ASTN2: variants seen among roughly 807,000 people sequenced by gnomAD.
ASTN2 encodes astrotactin 2, also known as astrotactin-2.
A neutral mutation model predicts 139.8 loss-of-function variants in ASTN2; 54 were observed. The ratio of observed to expected loss-of-function variants is 0.39; its 90% CI spans 0.31 to 0.48. The LOEUF is 0.48. Ranked by LOEUF, ASTN2 falls within the 20% of genes least tolerant of loss-of-function variation. The pLI, the probability that ASTN2 is intolerant of heterozygous loss-of-function variation, is 0.95. For synonymous variants in ASTN2, 756 were observed against 719.5 expected (o/e 1.05, Z -0.81); for missense variants, 1,565 against 1,725.1 (o/e 0.91, Z 1.64).
chr9:117,002,947 C>A (rs755515875), intron 7 of ASTN2, among the ~76,000 whole-genome samples: 1 of 152,066 alleles, frequency 6.6e-6, no homozygotes, highest in Non-Finnish European at 1.5e-5. Flanking sequence ...AGGAATGCCA[C>A]CTGTAGGAGG....
chr9:116,907,655 TGCTCAGGGATCTATTTG>T (rs1834198071), intron 10 of ASTN2, among the ~76,000 whole-genome samples: 1 of 152,172 alleles, frequency 6.6e-6, no homozygotes, highest in Non-Finnish European at 1.5e-5. Context: ...ACCTGTACCG[TGCTCAGGGATCTATTTG>T]GCAGAAAGGG....
intron 13 of ASTN2, among the ~76,000 whole-genome samples, chr9:116,804,573 T>C (rs1451008679): frequency 6.6e-6 from 1 of 152,200 alleles, no homozygotes; most frequent in Non-Finnish European, 1.5e-5. Context: ...GAATTAATGT[T>C]AGTGGACATT....
intron 4 of ASTN2, among the ~76,000 whole-genome samples, chr9:117,141,010 G>A (rs1008042653): frequency 6.6e-6 from 1 of 152,092 alleles, no homozygotes; most frequent in African/African-American, 2.4e-5. Flanking sequence ...CTCTCTGACC[G>A]GCAACAACTT....
chr9:117,231,217 G>A (rs534113477), intron 2 of ASTN2, among the ~76,000 whole-genome samples: 1 of 152,312 alleles, frequency 6.6e-6, no homozygotes, highest in South Asian at 2.1e-4. Context: ...TCTGCTGAGT[G>A]ATGAAAACCA....
chr9:116,904,188 C>T (rs1834095749), intron 10 of ASTN2, among the ~76,000 whole-genome samples: 1 of 152,130 alleles, frequency 6.6e-6, no homozygotes, highest in Admixed American at 6.5e-5. Flanking sequence ...CTAAGGCCTA[C>T]CACAGGGCCT....
At chr9:116,712,154 C>A (rs1487906978) in intron 16 of ASTN2, among the ~76,000 whole-genome samples, 2 of 152,132 alleles carry the variant, frequency 1.3e-5, no homozygotes, top group Non-Finnish European at 2.9e-5. Flanking sequence ...TCCACAATTT[C>A]TTTTTTCTTA....
chr9:116,932,162 T>C lies in ASTN2; in HGVS notation c.1889+43046A>G, dbSNP rs74944096. Among the ~76,000 whole-genome samples the C allele has an allele frequency of 5.6e-4, 85 of 152,216 alleles. No homozygotes were observed. The East Asian group carries it at 0.015, about 27-fold the overall frequency. ...GGGGCATGACATGATTGGATGCAGGTGCTTTCTGAAGATTACTATGGAGCA... is the reference window on the plus strand; with the variant it reads ...GGGGCATGACATGATTGGATGCAGGCGCTTTCTGAAGATTACTATGGAGCA... On this transcript the variant is annotated intron_variant, in intron 10 of 22. Transcript: ENST00000313400.
Position 117,226,405 on chromosome 9 carries a change from G to A in ASTN2, c.631-11663C>T, listed in dbSNP as rs1832713226. ...ATAGACTATTGTGAAAATTAAACAA[G>A]TGAATGCAAAAAGGAATCCAACAGT... On this transcript the variant is annotated intron_variant, in intron 2 of 22. Coordinates refer to ENST00000313400, the MANE Select transcript of ASTN2 (RefSeq NM_001365068.1). Among the ~76,000 whole-genome samples the A allele has an allele frequency of 2.0e-5, 3 of 152,130 alleles. No individual in the cohort carries two copies. In the South Asian group the frequency reaches 6.2e-4, roughly 32 times the overall value.
At chr9:117,100,166 C>A (rs1029374463) in intron 4 of ASTN2, among the ~76,000 whole-genome samples, 1 of 152,204 alleles carries the variant, frequency 6.6e-6, no homozygotes, top group African/African-American at 2.4e-5. Context: ...CATCTTTCCA[C>A]ATGTCCAGGC....
intron 3 of ASTN2, among the ~76,000 whole-genome samples, chr9:117,148,808 T>G (rs1354189404): frequency 6.6e-6 from 1 of 152,124 alleles, no homozygotes; most frequent in Non-Finnish European, 1.5e-5. Flanking sequence ...CTCCATACTG[T>G]GCATGAGCCT....
intron 10 of ASTN2, among the ~76,000 whole-genome samples, chr9:116,969,522 T>C (rs1273333908): frequency 6.6e-6 from 1 of 151,916 alleles, no homozygotes; most frequent in African/African-American, 2.4e-5. Flanking sequence ...CCTGGAGAGG[T>C]CAGTGAGAGT....
intron 11 of ASTN2, among the ~76,000 whole-genome samples, chr9:116,833,790 T>C (rs541207628): frequency 6.6e-6 from 1 of 152,184 alleles, no homozygotes; most frequent in African/African-American, 2.4e-5. Flanking sequence ...TATGTTGAAA[T>C]CCTAACCCAC....
chr9:117,169,414 G>T (rs192942149), intron 3 of ASTN2, among the ~76,000 whole-genome samples: 1 of 152,084 alleles, frequency 6.6e-6, no homozygotes, highest in African/African-American at 2.4e-5. Flanking sequence ...TGGGCTTGGG[G>T]TTTATTTATA....
chr9:117,121,012 GT>G (rs1213105265), intron 4 of ASTN2, among the ~76,000 whole-genome samples: 1 of 152,200 alleles, frequency 6.6e-6, no homozygotes, highest in African/African-American at 2.4e-5. Flanking sequence ...ACAGCCTGGG[GT>G]ACACAGTATG....
chr9:116,769,903 G>T (rs1198813676), intron 13 of ASTN2, among the ~76,000 whole-genome samples: 1 of 46,038 alleles, frequency 2.2e-5, no homozygotes, highest in Non-Finnish European at 7.6e-5. Flanking sequence ...TATATATATG[G>T]GCATGGTGGT....
At chr9:117,370,856 T>C (rs1460229113) in intron 1 of ASTN2, among the ~76,000 whole-genome samples, 1 of 152,092 alleles carries the variant, frequency 6.6e-6, no homozygotes, top group Non-Finnish European at 1.5e-5. Flanking sequence ...GATACAGGCA[T>C]GAGCCACAAC....
intron 16 of ASTN2, chr9:116,687,092 G>A: frequency 8.5e-7 from 1 of 1,181,470 alleles, no homozygotes; most frequent in Non-Finnish European, 1.1e-6. Context: ...GGTCCCTTTC[G>A]CCCATGGGCG....
Position 117,089,663 on chromosome 9 carries a change from T to C in ASTN2, c.1276+6381A>G, listed in dbSNP as rs1022020082. 2.4e-4 allele frequency among the ~76,000 whole-genome samples: 36 copies of C among 152,046 alleles called. 1 individual carries two copies. The highest frequency in any genetic ancestry group is 1.5e-5 in the Non-Finnish European group (1 of 68,002). On this transcript the variant is annotated intron_variant, in intron 5 of 22. Transcript: ENST00000313400. Reference sequence around the variant, plus strand: ...ATACACTGTACCCTATTTGTAGTCTTTTATCCCTCGCCCCCCTCCCACCCT... The same window carrying C: ...ATACACTGTACCCTATTTGTAGTCTCTTATCCCTCGCCCCCCTCCCACCCT...
intron 3 of ASTN2, among the ~76,000 whole-genome samples, chr9:117,169,656 A>G (rs1325815673): frequency 6.6e-6 from 1 of 151,938 alleles, no homozygotes; most frequent in East Asian, 1.9e-4. Context: ...AACAGAGTCA[A>G]TCTTTGGCAA....
Sources: gnomAD v4.1 joint callset for allele counts (sites outside exome capture counted in the v4.1 genomes callset) on GRCh38, gnomAD v4.1.1 for gene constraint, MANE v1.5 for transcripts, NCBI Gene and HGNC (gene_info 2026-07-23, HGNC 2026-07-21) for gene names.